Variants in NFIL3 observed in about 807,000 individuals in gnomAD.
The protein encoded by NFIL3 is nuclear factor interleukin-3-regulated protein.
NFIL3 carries 5 observed loss-of-function variants against 10.0 expected under a neutral mutation model. That is an observed-to-expected ratio of 0.50 (90% CI 0.26 to 1.06). NFIL3 has a LOEUF of 1.06. Ranked by LOEUF, NFIL3 falls within the 50% of genes least tolerant of loss-of-function variation. The pLI, the probability that NFIL3 is intolerant of heterozygous loss-of-function variation, is 0.13. For synonymous variants in NFIL3, 202 were observed against 206.5 expected (o/e 0.98, Z 0.19); for missense variants, 436 against 547.6 (o/e 0.80, Z 2.03).
chr9:91,426,862 G>C (rs1421515234), upstream of NFIL3: 2 of 152,272 alleles, frequency 1.3e-5, no homozygotes, highest in Non-Finnish European at 2.9e-5. Flanking sequence ...ACATCCCCAA[G>C]AGGCCATATA....
the NFIL3 span, among the ~76,000 whole-genome samples, chr9:91,438,243 G>C: frequency 6.6e-6 from 1 of 152,026 alleles, no homozygotes; most frequent in South Asian, 2.1e-4. Context: ...ATTTTGACTC[G>C]TGTTTCCTGA....
At chr9:91,468,057 T>C in the NFIL3 span, among the ~76,000 whole-genome samples, 1 of 152,200 alleles carries the variant, frequency 6.6e-6, no homozygotes, top group Non-Finnish European at 1.5e-5. Context: ...TACCCAGTAA[T>C]GGGATGGCTG....
the NFIL3 span, among the ~76,000 whole-genome samples, chr9:91,444,862 G>T: frequency 1.3e-5 from 2 of 152,132 alleles, no homozygotes; most frequent in Non-Finnish European, 2.9e-5. Context: ...TTAGCTGAAG[G>T]AATCTCTCTT....
At chr9:91,477,679 C>CTTG in the NFIL3 span, among the ~76,000 whole-genome samples, 1 of 152,108 alleles carries the variant, frequency 6.6e-6, no homozygotes, top group Non-Finnish European at 1.5e-5. Context: ...GAAACAGAAA[C>CTTG]TAAAAACAGC....
the NFIL3 span, among the ~76,000 whole-genome samples, chr9:91,474,259 TG>T: frequency 2.6e-5 from 4 of 152,204 alleles, no homozygotes; most frequent in African/African-American, 9.6e-5. Flanking sequence ...ACTTGATTTT[TG>T]AATATTGACC....
intron 1 of NFIL3, among the ~76,000 whole-genome samples, chr9:91,417,298 A>G (rs1000337862): frequency 3.3e-5 from 5 of 152,204 alleles, no homozygotes; most frequent in African/African-American, 1.2e-4. Context: ...GGAAAAAAAA[A>G]TGTCTTCAAG....
the NFIL3 span, among the ~76,000 whole-genome samples, chr9:91,463,708 A>G: frequency 6.6e-6 from 1 of 152,156 alleles, no homozygotes; most frequent in African/African-American, 2.4e-5. Context: ...GGTTGTCTAT[A>G]TCCTTTCTGA....
the NFIL3 span, among the ~76,000 whole-genome samples, chr9:91,473,827 A>G: frequency 6.6e-6 from 1 of 152,196 alleles, no homozygotes; most frequent in African/African-American, 2.4e-5. Flanking sequence ...AGCTGTTCCT[A>G]TTTGGCCATC....
At chr9:91,455,938 C>G in the NFIL3 span, among the ~76,000 whole-genome samples, 2 of 152,200 alleles carry the variant, frequency 1.3e-5, no homozygotes, top group African/African-American at 4.8e-5. Flanking sequence ...ATGCCTCCCC[C>G]TTACCCTCAC....
chr9:91,481,200 G>C, the NFIL3 span, among the ~76,000 whole-genome samples: 1 of 152,124 alleles, frequency 6.6e-6, no homozygotes, highest in Non-Finnish European at 1.5e-5. Context: ...AATCCTTATA[G>C]ACCTTATTCT....
At chr9:91,426,030 C>T (rs1417421823), upstream of NFIL3, among the ~76,000 whole-genome samples, 2 of 152,186 alleles carry the variant, frequency 1.3e-5, no homozygotes, top group African/African-American at 4.8e-5. Flanking sequence ...AAATGTCTTT[C>T]TTTAAAGACA....
chr9:91,409,182 A>C lies in NFIL3; in HGVS notation c.*164T>G, dbSNP rs1036181419. The C allele has an allele frequency of 1.6e-6, 1 of 637,620 alleles. No homozygotes were observed. The highest frequency in any genetic ancestry group is 1.8e-5 in the African/African-American group (1 of 54,618). 39.5% of individuals were successfully genotyped at this position (637,620 alleles called of 1,614,324 possible). On this transcript the variant is annotated 3_prime_UTR_variant, in exon 2 of 2. Coordinates refer to ENST00000297689, the MANE Select transcript of NFIL3 (RefSeq NM_005384.3). Reference sequence around the variant, plus strand: ...CACAGGCAGAGTGATAACACAATCTAATCTTCATCATAATCTGTGCACAAA... The same window carrying C: ...CACAGGCAGAGTGATAACACAATCTCATCTTCATCATAATCTGTGCACAAA...
the NFIL3 span, among the ~76,000 whole-genome samples, chr9:91,432,183 G>C: frequency 1.3e-5 from 2 of 152,162 alleles, no homozygotes. Context: ...TCTGAGCCAT[G>C]AGTGACAGGA....
the NFIL3 span, among the ~76,000 whole-genome samples, chr9:91,482,013 C>T: frequency 6.6e-6 from 1 of 152,094 alleles, no homozygotes; most frequent in African/African-American, 2.4e-5. Context: ...CACCTTGGTG[C>T]CGGAAAGGAT....
At chr9:91,427,354 G>A (rs551350583), upstream of NFIL3, among the ~76,000 whole-genome samples, 1 of 152,172 alleles carries the variant, frequency 6.6e-6, no homozygotes, top group African/African-American at 2.4e-5. Context: ...TAAAAAGCAG[G>A]CTGCCTACCT....
At position 91,410,829 on chromosome 9, in the gene NFIL3, A is replaced by G; in HGVS notation, c.-95T>C. 7 of 1,295,272 alleles carry G rather than the reference A, an allele frequency of 5.4e-6. No homozygotes were observed. Among genetic ancestry groups the G allele is most frequent in the Non-Finnish European group, 7.4e-6 (7 of 951,010 alleles). The allele number at this position is 1,295,272 out of a possible 1,614,324, so 80.2% of individuals were successfully genotyped here. ...AAAAACTCTGGTTTAAAATCCATCA[A>G]TATTCTTCCTTTTGTTCTACCGTCT... On this transcript the variant is annotated 5_prime_UTR_variant, in exon 2 of 2. Coordinates refer to ENST00000297689, the MANE Select transcript of NFIL3 (RefSeq NM_005384.3). This position sits in a 1 kb window ranked among gnomAD's most constrained non-coding sequence, Gnocchi z 5.7.
the NFIL3 span, among the ~76,000 whole-genome samples, chr9:91,447,369 A>T: frequency 1.3e-5 from 2 of 152,202 alleles, no homozygotes; most frequent in South Asian, 2.1e-4. Flanking sequence ...TTGCTGGTTC[A>T]TATAGTAATC....
At chr9:91,428,179 C>T (rs1007606298), upstream of NFIL3, among the ~76,000 whole-genome samples, 11 of 152,250 alleles carry the variant, frequency 7.2e-5, no homozygotes, top group South Asian at 1.5e-3. Flanking sequence ...CTTCCTCTTC[C>T]GCTTTGCCTT....
At chr9:91,422,353 G>A (rs952376889) in intron 1 of NFIL3, among the ~76,000 whole-genome samples, 1 of 152,120 alleles carries the variant, frequency 6.6e-6, no homozygotes, top group East Asian at 1.9e-4. Flanking sequence ...AATGTGATAG[G>A]GCTAAATTTA....
Sources: allele counts gnomAD v4.1 joint callset (sites outside exome capture counted in the v4.1 genomes callset), GRCh38; gene constraint gnomAD v4.1.1; non-coding constraint Gnocchi (gnomAD v3.1); transcripts MANE v1.5; gene names NCBI Gene and HGNC (gene_info 2026-07-23, HGNC 2026-07-21).